CYP3A7: variants seen among roughly 807,000 people sequenced by gnomAD.
CYP3A7 encodes cytochrome P450 family 3 subfamily A member 7, also known as cytochrome P450 3A7.
Under a neutral mutation model 55.2 loss-of-function variants are expected in CYP3A7, and 45 were observed. The observed-to-expected ratio is 0.82, with a 90% CI of 0.64 to 1.05. The LOEUF (loss-of-function observed/expected upper bound fraction) is 1.05, where lower values mean the gene tolerates loss of function less well. Ranked by LOEUF, CYP3A7 falls within the 50% of genes least tolerant of loss-of-function variation. CYP3A7 has a pLI of 0.00. For missense variants in CYP3A7, 548 were observed against 605.3 expected (o/e 0.91, Z 0.99); for synonymous variants, 180 against 207.4 (o/e 0.87, Z 1.13).
intron 9 of CYP3A7, among the ~76,000 whole-genome samples, chr7:99,711,888 C>T (rs1813762872): frequency 6.6e-6 from 1 of 152,140 alleles, no homozygotes; most frequent in African/African-American, 2.4e-5. Context: ...GTGTGCATAG[C>T]CCAGGTTGAG....
In CYP3A7 at chr7:99,717,214, G is replaced by A. The variant is rs375289012; in HGVS notation, c.484C>T (p.Arg162Trp). 108 of 1,613,702 alleles carry A rather than the reference G, an allele frequency of 6.7e-5. No homozygotes were observed. In the Middle Eastern group the frequency reaches 9.9e-4, roughly 15 times the overall value. The change falls in exon 6 of 13, where the codon CGG (arginine) becomes TGG (tryptophan). Residue 162 changes from arginine to tryptophan, a missense_variant. Physicochemically the swap from Arg to Trp is moderately radical, Grantham distance 101 (BLOSUM62 -3). Transcript: ENST00000336374. ...ACAGGCTTGCCTGTCTCTGCTTCCC[G>A]CCTCAGATTTCTCACCAACACATCT... is the stretch of plus-strand genomic sequence containing the variant. ...YGDVLVRNLR[R>W]EAETGKPVTL...
chr7:99,714,382 C>A (rs559076610), intron 8 of CYP3A7, among the ~76,000 whole-genome samples, 173 bp downstream of exon 8: 1 of 152,258 alleles, frequency 6.6e-6, no homozygotes, highest in Admixed American at 6.5e-5. Flanking sequence ...TATCTCCTTC[C>A]TCAAACTCCA....
chr7:99,722,718 G>A (rs45443894), intron 2 of CYP3A7, among the ~76,000 whole-genome samples: 2,042 of 152,308 alleles, frequency 0.013, 14 homozygotes, highest in Non-Finnish European at 0.022. Context: ...GAGGGAATGT[G>A]AGTGAGCGCC....
intron 2 of CYP3A7, among the ~76,000 whole-genome samples, chr7:99,728,373 G>A (rs529585489): frequency 3.3e-5 from 5 of 151,806 alleles, no homozygotes; most frequent in Admixed American, 1.3e-4. Flanking sequence ...TACTTATACC[G>A]AACCCCATGA....
chr7:99,708,035 GT>G, intron 11 of CYP3A7, 61 bp from the exon 12 acceptor site: 1 of 1,611,800 alleles, frequency 6.2e-7, no homozygotes, highest in Non-Finnish European at 8.5e-7. Context: ...AGAGTTACAT[GT>G]TAGGGTTTCT....
At chr7:99,710,022 T>G (rs943032824) in intron 10 of CYP3A7, among the ~76,000 whole-genome samples, 1 of 152,134 alleles carries the variant, frequency 6.6e-6, no homozygotes, top group Non-Finnish European at 1.5e-5. Flanking sequence ...TGTCCTCACT[T>G]GCTGAAACAG....
chr7:99,711,471 T>G (rs1813746574), intron 9 of CYP3A7, among the ~76,000 whole-genome samples: 1 of 152,152 alleles, frequency 6.6e-6, no homozygotes. Flanking sequence ...ATCTGTGACC[T>G]TATTAGAAAT....
intron 11 of CYP3A7, 107 bp from the exon 12 acceptor site, chr7:99,708,081 G>A (rs1218258096): frequency 5.3e-6 from 8 of 1,508,230 alleles, no homozygotes; most frequent in East Asian, 2.3e-5. Flanking sequence ...GCAGTACACA[G>A]GATACTTTTG....
At chr7:99,706,638 A>G (rs545144337) in intron 12 of CYP3A7, among the ~76,000 whole-genome samples, 118 of 152,358 alleles carry the variant, frequency 7.7e-4, no homozygotes, top group Non-Finnish European at 1.3e-3. Flanking sequence ...TTCTATAAAT[A>G]TAACACATTA....
chr7:99,711,636 C>T (rs375254250), intron 9 of CYP3A7, among the ~76,000 whole-genome samples: 24 of 152,248 alleles, frequency 1.6e-4, no homozygotes, highest in African/African-American at 5.8e-4. Context: ...GGCATGGTGA[C>T]GCATGCCTGT....
At chr7:99,722,393 A>C (rs1366332351) in intron 2 of CYP3A7, 45 bp from the exon 3 acceptor site, 1 of 1,605,664 alleles carries the variant, frequency 6.2e-7, no homozygotes, top group South Asian at 1.1e-5. Flanking sequence ...TTTTAAGTGT[A>C]CTTAACCCTG....
intron 2 of CYP3A7, 163 bp downstream of exon 2, chr7:99,730,896 G>C (rs767975852): frequency 1.1e-6 from 1 of 872,110 alleles, no homozygotes. Flanking sequence ...GTTAGCAAGA[G>C]AGCCCCAGGG....
chr7:99,706,157 G>C (rs1394067502), intron 12 of CYP3A7, among the ~76,000 whole-genome samples: 1 of 152,150 alleles, frequency 6.6e-6, no homozygotes, highest in Non-Finnish European at 1.5e-5. Context: ...GGTTTACAAG[G>C]GTAGTGCAAG....
chr7:99,720,130 T>G (rs1814136915), intron 4 of CYP3A7, among the ~76,000 whole-genome samples, 183 bp downstream of exon 4: 1 of 152,194 alleles, frequency 6.6e-6, no homozygotes. Context: ...TGCAGTAATG[T>G]GAATATACTG....
intron 9 of CYP3A7, among the ~76,000 whole-genome samples, chr7:99,711,285 T>C (rs1813739255): frequency 6.6e-6 from 1 of 152,224 alleles, no homozygotes; most frequent in Non-Finnish European, 1.5e-5. Context: ...AAAAATGTAA[T>C]TCATTTTAGC....
rs1370842817 is a variant in CYP3A7 at position 99,713,486 on chromosome 7, T to A, written c.848A>T (p.Asp283Val). Reference protein sequence around the residue: ...QLMIDSQNSKDSETHKALSDL... With the variant: ...QLMIDSQNSKVSETHKALSDL... ...TTTGTTACCTTTGTGGGTCTCAGAG[T>A]CTTTTGAATTCTGAGAGTCAATCAT... Residue 283 changes from aspartate to valine, a missense_variant, in exon 9 of 13, where the codon GAC becomes GTC. By Grantham distance (152) the Asp-to-Val change is radical. Coordinates refer to ENST00000336374, the MANE Select transcript of CYP3A7 (RefSeq NM_000765.5). 4 of 1,613,194 alleles carry A rather than the reference T, an allele frequency of 2.5e-6. No individual in the cohort carries two copies. Among genetic ancestry groups the A allele is most frequent in the African/African-American group, 1.3e-5 (1 of 74,786 alleles).
chr7:99,728,058 C>T (rs1220731412), intron 2 of CYP3A7, among the ~76,000 whole-genome samples: 1 of 152,128 alleles, frequency 6.6e-6, no homozygotes. Flanking sequence ...CTACTTCTGT[C>T]CCTCATGGCC....
intron 12 of CYP3A7, among the ~76,000 whole-genome samples, chr7:99,706,232 G>T (rs1813519339): frequency 6.6e-6 from 1 of 152,190 alleles, no homozygotes; most frequent in Admixed American, 6.5e-5. Flanking sequence ...CTCCTTCAGT[G>T]TTGAGGGGAC....
intron 2 of CYP3A7, chr7:99,730,742 A>T (rs1362356138): frequency 9.1e-6 from 3 of 328,122 alleles, no homozygotes; most frequent in Non-Finnish European, 1.7e-5. Context: ...GTATGGCTGT[A>T]CCTTCCTGGG....
Sources: allele counts gnomAD v4.1 joint callset (sites outside exome capture counted in the v4.1 genomes callset), GRCh38; gene constraint gnomAD v4.1.1; transcripts MANE v1.5; gene names NCBI Gene and HGNC (gene_info 2026-07-23, HGNC 2026-07-21).